CACNA2D1: variants seen among roughly 807,000 people sequenced by gnomAD.
CACNA2D1 encodes the protein voltage-dependent calcium channel subunit alpha-2/delta-1.
Under a neutral mutation model 171.5 loss-of-function variants are expected in CACNA2D1, and 53 were observed. The observed-to-expected ratio is 0.31, with a 90% CI of 0.25 to 0.39. The LOEUF (loss-of-function observed/expected upper bound fraction) is 0.39. CACNA2D1 is among the 10% of genes least tolerant of loss of function. The pLI is 1.00. For synonymous variants in CACNA2D1, 442 were observed against 443.1 expected (o/e 1.00, Z 0.03); for missense variants, 903 against 1,299.8 (o/e 0.69, Z 4.69).
chr7:82,074,896 G>A (rs890626801), intron 7 of CACNA2D1, among the ~76,000 whole-genome samples: 2 of 151,854 alleles, frequency 1.3e-5, no homozygotes, highest in South Asian at 2.1e-4. Flanking sequence ...AAGTTCTGGG[G>A]TACTTGTGCA....
chr7:82,276,369 C>T (rs1057291107), intron 3 of CACNA2D1, among the ~76,000 whole-genome samples: 1 of 152,118 alleles, frequency 6.6e-6, no homozygotes, highest in East Asian at 1.9e-4. Flanking sequence ...GATGGACCTG[C>T]CTTGGATTTT....
chr7:82,166,832 T>C (rs1200082451), intron 4 of CACNA2D1, among the ~76,000 whole-genome samples: 3 of 152,090 alleles, frequency 2.0e-5, no homozygotes, highest in Non-Finnish European at 4.4e-5. Flanking sequence ...CGCCCTTTGT[T>C]CCCTCAATTG....
intron 18 of CACNA2D1, among the ~76,000 whole-genome samples, chr7:81,999,349 T>A (rs1798359550): frequency 6.6e-6 from 1 of 152,194 alleles, no homozygotes. Flanking sequence ...CAAGAGAGGC[T>A]GAAGAACTGG....
At chr7:82,197,668 C>T (rs996461200) in intron 3 of CACNA2D1, among the ~76,000 whole-genome samples, 4 of 151,920 alleles carry the variant, frequency 2.6e-5, no homozygotes, top group African/African-American at 7.2e-5. Flanking sequence ...GCCTCAGGGA[C>T]GACACAGACA....
chr7:81,991,838 A>AT (rs140712223), intron 20 of CACNA2D1, among the ~76,000 whole-genome samples: 232 of 143,338 alleles, frequency 1.6e-3, no homozygotes, highest in Middle Eastern at 3.6e-3. Flanking sequence ...CACATGTATA[A>AT]TTTTTTTTTT....
intron 3 of CACNA2D1, among the ~76,000 whole-genome samples, chr7:82,240,915 C>T (rs1804186296): frequency 2.0e-5 from 3 of 151,288 alleles, no homozygotes; most frequent in African/African-American, 2.4e-5. Context: ...TGCAGTGAGC[C>T]GAGATCGTGC....
At chr7:82,426,105 TGG>T (rs1390775877) in intron 1 of CACNA2D1, among the ~76,000 whole-genome samples, 1 of 151,148 alleles carries the variant, frequency 6.6e-6, no homozygotes, top group Non-Finnish European at 1.5e-5. Context: ...CACTCCAGCC[TGG>T]GTGACAGAGC....
chr7:81,968,362 T>G (rs1584223765), intron 29 of CACNA2D1, among the ~76,000 whole-genome samples: 2 of 151,644 alleles, frequency 1.3e-5, no homozygotes, highest in South Asian at 4.1e-4. Flanking sequence ...TTTGTTTACT[T>G]GCCTATTTTT....
rs1267206041 is a variant in CACNA2D1 at position 82,424,542 on chromosome 7, A to AT, written c.95+18822dup. Among the ~76,000 whole-genome samples the AT allele has an allele frequency of 2.0e-5, 3 of 152,182 alleles. No homozygotes were observed. In the East Asian group the frequency reaches 5.8e-4, roughly 29 times the overall value. ...AGTTTATGCAGGCAAATAAATGGAT[A>AT]TTTTTCAGGAAAGACCCAAGTATAA... is the stretch of plus-strand genomic sequence containing the variant. On this transcript the variant is annotated intron_variant, in intron 1 of 38. Transcript: ENST00000356860.
chr7:82,005,948 T>A (rs117870667), intron 16 of CACNA2D1, 109 bp from the exon 17 acceptor site: 1 of 746,700 alleles, frequency 1.3e-6, no homozygotes, highest in Non-Finnish European at 2.5e-6. Flanking sequence ...TCCACATTAG[T>A]TTAAATGTAT....
rs1262884277 is a variant in CACNA2D1 at position 82,060,167 on chromosome 7, T to TAC, written c.879+260_879+261insGT. Among the ~76,000 whole-genome samples, 2 of 12,622 alleles carry TAC rather than the reference T, an allele frequency of 1.6e-4. 1 individual carries two copies. The highest frequency in any genetic ancestry group is 4.1e-4 in the Non-Finnish European group (2 of 4,826). 8.3% of individuals were successfully genotyped at this position (12,622 alleles called of 152,430 possible). A position where few individuals can be genotyped will look rare whatever the true frequency, so the allele number is the denominator to read the frequency against. ...ATATATATGTATTATATATATATAATATATATATATAATATATATATATTA... is the reference window on the plus strand; with the variant it reads ...ATATATATGTATTATATATATATAATACATATATATATAATATATATATATTA... On this transcript the variant is annotated intron_variant, in intron 10 of 38. Transcript: ENST00000356860.
intron 5 of CACNA2D1, among the ~76,000 whole-genome samples, chr7:82,128,475 C>T (rs1216058399): frequency 6.6e-6 from 1 of 152,092 alleles, no homozygotes; most frequent in Non-Finnish European, 1.5e-5. Flanking sequence ...CCTTGAAGAG[C>T]ATAAACTTTC....
chr7:81,969,039 T>C, intron 28 of CACNA2D1, 66 bp from the exon 29 acceptor site: 1 of 936,912 alleles, frequency 1.1e-6, no homozygotes, highest in Non-Finnish European at 1.7e-6. Context: ...TGATTTTCCG[T>C]CATTAGATAC....
intron 3 of CACNA2D1, among the ~76,000 whole-genome samples, chr7:82,228,044 T>C (rs1802539752): frequency 6.6e-6 from 1 of 152,116 alleles, no homozygotes; most frequent in Non-Finnish European, 1.5e-5. Flanking sequence ...ACATCATTCA[T>C]GTTACATTAT....
chr7:82,303,041 T>C lies in CACNA2D1; in HGVS notation c.294+32094A>G, dbSNP rs138896121. ...CAGAGTCTCCCTCTGTCGCCCAGGC[T>C]GGAGTGCAGTGGTGCGATCTCGGCT... On this transcript the variant is annotated intron_variant, in intron 3 of 38. Coordinates refer to ENST00000356860, the MANE Select transcript of CACNA2D1 (RefSeq NM_000722.4). Among the ~76,000 whole-genome samples, 1,231 of 152,272 alleles carry C rather than the reference T, an allele frequency of 8.1e-3. 12 individuals carry two copies. Among genetic ancestry groups the C allele is most frequent in the African/African-American group, 0.028 (1,157 of 41,564 alleles).
intron 1 of CACNA2D1, among the ~76,000 whole-genome samples, chr7:82,407,081 A>G (rs551761789): frequency 6.6e-6 from 1 of 152,310 alleles, no homozygotes; most frequent in East Asian, 1.9e-4. Flanking sequence ...CTGTCCCACC[A>G]AAGAATGTGA....
At chr7:82,387,800 G>A (rs199855766) in intron 1 of CACNA2D1, among the ~76,000 whole-genome samples, 1 of 152,180 alleles carries the variant, frequency 6.6e-6, no homozygotes, top group Admixed American at 6.5e-5. Flanking sequence ...AAATCTGAAG[G>A]CCGGGTGCAC....
chr7:82,348,980 C>G lies in CACNA2D1; in HGVS notation c.177+588G>C, dbSNP rs77375831. On this transcript the variant is annotated intron_variant, in intron 2 of 38. Transcript: ENST00000356860. ...AGATGCCATACAAATATTTATATTG[C>G]TGTCACTCAAAAATCACTTTAGAGT... Among the ~76,000 whole-genome samples, 774 of 152,194 alleles carry G rather than the reference C, an allele frequency of 5.1e-3. 19 individuals are homozygous for G. In the East Asian group the frequency reaches 0.08, roughly 16 times the overall value.
At chr7:82,210,649 C>T (rs1800457358) in intron 3 of CACNA2D1, among the ~76,000 whole-genome samples, 1 of 152,130 alleles carries the variant, frequency 6.6e-6, no homozygotes, top group Non-Finnish European at 1.5e-5. Context: ...GCAGAAGTGT[C>T]TGTTAGTTCA....
Sources: gnomAD v4.1 joint callset for allele counts (sites outside exome capture counted in the v4.1 genomes callset) on GRCh38, gnomAD v4.1.1 for gene constraint, MANE v1.5 for transcripts, NCBI Gene and HGNC (gene_info 2026-07-23, HGNC 2026-07-21) for gene names.